The following NCOA6 variants were observed in gnomAD, a reference collection of about 807,000 sequenced individuals.
NCOA6 encodes NRC RAP250.
Under a neutral mutation model 171.4 loss-of-function variants are expected in NCOA6, and 49 were observed. That is an observed-to-expected ratio of 0.29 (90% confidence interval 0.23 to 0.36). NCOA6 has a LOEUF of 0.36. Ranked by LOEUF, NCOA6 falls within the 10% of genes least tolerant of loss-of-function variation. The pLI, the probability that NCOA6 is intolerant of heterozygous loss-of-function variation, is 1.00. For synonymous variants in NCOA6, 910 were observed against 927.5 expected (o/e 0.98, Z 0.34); for missense variants, 2,248 against 2,554.5 (o/e 0.88, Z 2.59).
intron 11 of NCOA6, among the ~76,000 whole-genome samples, chr20:34,738,747 G>A (rs1444382400): frequency 6.6e-6 from 1 of 152,200 alleles, no homozygotes; most frequent in Non-Finnish European, 1.5e-5. Flanking sequence ...ATTCTGGGAG[G>A]TAGAATGTAC....
chr20:34,813,598 C>T (rs1046342698), intron 1 of NCOA6, among the ~76,000 whole-genome samples: 9 of 151,944 alleles, frequency 5.9e-5, no homozygotes, highest in African/African-American at 1.9e-4. Context: ...AATATCCTTA[C>T]TTGCAGGTGA....
At chr20:34,746,781 A>G in intron 10 of NCOA6, 26 bp downstream of exon 10, 2 of 1,596,854 alleles carry the variant, frequency 1.3e-6, no homozygotes, top group South Asian at 1.1e-5. Context: ...TGTAATAAGT[A>G]TATAATCTAG....
rs1455593856 is a variant in NCOA6 at position 34,749,927 on chromosome 20, C to T, written c.2268G>A (p.Val756=). The change falls in exon 9 of 15, where the codon GTG becomes GTA. Residue 756 remains valine (V), a synonymous_variant. Coordinates refer to ENST00000359003, the MANE Select transcript of NCOA6 (RefSeq NM_014071.5). ...GTCCTGACATCTGTCCCGTAAACTG[C>T]ACCATATTTCCTTGCATGTTTGGAG... The part of the protein sequence containing the change: ...GPTPNMQGNM[V]QFTGQMSGQM... The T allele has an allele frequency of 1.2e-6, 2 of 1,614,118 alleles. No individual in the cohort carries two copies. Among genetic ancestry groups the T allele is most frequent in the African/African-American group, 1.3e-5 (1 of 74,940 alleles).
At chr20:34,736,038 A>G (rs527390882) in intron 12 of NCOA6, among the ~76,000 whole-genome samples, 4 of 152,216 alleles carry the variant, frequency 2.6e-5, no homozygotes, top group African/African-American at 9.6e-5. Context: ...TCCATAGTCT[A>G]TAAAGGCAAA....
intron 1 of NCOA6, among the ~76,000 whole-genome samples, chr20:34,797,553 G>A (rs1043521442): frequency 2.6e-5 from 4 of 151,902 alleles, no homozygotes; most frequent in African/African-American, 9.7e-5. Context: ...TCCCAGCTGT[G>A]GTGGCTACAG....
intron 2 of NCOA6, among the ~76,000 whole-genome samples, chr20:34,790,740 C>A (rs1254156312): frequency 6.6e-6 from 1 of 152,068 alleles, no homozygotes; most frequent in African/African-American, 2.4e-5. Context: ...ACCTCTGCCT[C>A]CCAGGTTCAA....
At chr20:34,732,685 A>G in intron 12 of NCOA6, 90 bp from the exon 13 acceptor site, 1 of 1,099,188 alleles carries the variant, frequency 9.1e-7, no homozygotes, top group Non-Finnish European at 1.4e-6. Context: ...TGCCCTATTT[A>G]GGCTAAAGTG....
intron 8 of NCOA6, among the ~76,000 whole-genome samples, chr20:34,752,503 G>C (rs975857447): frequency 2.0e-5 from 3 of 152,176 alleles, no homozygotes; most frequent in African/African-American, 7.2e-5. Flanking sequence ...ACTGGCAAGA[G>C]ACACAACTAA....
chr20:34,779,597 T>G (rs6060047), intron 3 of NCOA6, among the ~76,000 whole-genome samples: 128,926 of 152,272 alleles, frequency 0.85, 54,771 homozygotes, highest in Admixed American at 0.91. Context: ...CAGCTAAACT[T>G]AAACTTCTGT....
At chr20:34,804,376 G>C (rs2146515057) in intron 1 of NCOA6, among the ~76,000 whole-genome samples, 1 of 151,950 alleles carries the variant, frequency 6.6e-6, no homozygotes, top group Admixed American at 6.6e-5. Flanking sequence ...GGGTGTGGTG[G>C]CACACCTGTG....
intron 3 of NCOA6, 175 bp from the exon 4 acceptor site, chr20:34,776,623 G>A: frequency 1.3e-6 from 1 of 757,056 alleles, no homozygotes; most frequent in South Asian, 1.5e-5. Context: ...TTGCCACTTA[G>A]CACCTGGGTG....
intron 8 of NCOA6, among the ~76,000 whole-genome samples, chr20:34,753,979 T>C (rs1478891418): frequency 1.3e-5 from 2 of 152,204 alleles, no homozygotes; most frequent in Admixed American, 6.5e-5. Context: ...ACCAGAAACA[T>C]GAAGTTTGAG....
chr20:34,815,752 T>C (rs762349299), intron 1 of NCOA6, among the ~76,000 whole-genome samples: 8 of 152,082 alleles, frequency 5.3e-5, no homozygotes, highest in Non-Finnish European at 1.2e-4. Context: ...AAGTTTGTTG[T>C]TTTACAGAAG....
intron 3 of NCOA6, among the ~76,000 whole-genome samples, chr20:34,781,161 A>C (rs1568842397): frequency 6.6e-6 from 1 of 152,212 alleles, no homozygotes; most frequent in Non-Finnish European, 1.5e-5. Context: ...AACTATGGAG[A>C]ACCTTGTACA....
intron 10 of NCOA6, 75 bp downstream of exon 10, chr20:34,746,732 T>A: frequency 6.9e-7 from 1 of 1,439,086 alleles, no homozygotes; most frequent in Non-Finnish European, 9.3e-7. Flanking sequence ...TACTATTGTT[T>A]CCTTGAAGAC....
chr20:34,742,135 A>C lies in NCOA6; in HGVS notation c.4121T>G (p.Val1374Gly). 6.2e-7 allele frequency: 1 copy of C among 1,614,160 alleles called. No individual in the cohort carries two copies. The highest frequency in any genetic ancestry group is 8.5e-7 in the Non-Finnish European group (1 of 1,180,030). ...GGCCAGAGGAGTGGGACTGACCAATACATTTCTCGGCAACTCCACATTCTG... is the reference window on the plus strand; with the variant it reads ...GGCCAGAGGAGTGGGACTGACCAATCCATTTCTCGGCAACTCCACATTCTG... The part of the protein sequence containing the change: ...LLQNVELPRN[V>G]LVSPTPLANP... The change falls in exon 11 of 15, where the codon GTA becomes GGA. Residue 1374 changes from valine (V) to glycine (G), a missense_variant. Val to Gly is a moderately radical substitution (Grantham distance 109, BLOSUM62 -3). Coordinates refer to ENST00000359003, the MANE Select transcript of NCOA6 (RefSeq NM_014071.5).
At chr20:34,790,532 T>G (rs1485761772) in intron 2 of NCOA6, among the ~76,000 whole-genome samples, 1 of 152,054 alleles carries the variant, frequency 6.6e-6, no homozygotes, top group Non-Finnish European at 1.5e-5. Context: ...TTTTTTTGCA[T>G]TTTTAGTAAA....
intron 1 of NCOA6, among the ~76,000 whole-genome samples, chr20:34,808,376 C>G (rs2078533140): frequency 6.6e-6 from 1 of 151,146 alleles, no homozygotes; most frequent in Non-Finnish European, 1.5e-5. Context: ...GGAAAAAAGT[C>G]ACAGGTCACA....
Position 34,742,049 on chromosome 20 carries a change from C to T in NCOA6, c.4207G>A (p.Val1403Met), listed in dbSNP as rs1568747250. Residue 1403 changes from valine (V) to methionine (M), a missense_variant, in exon 11 of 15, where the codon GTG (valine) becomes ATG (methionine). This residue lies in a region of NCOA6 where 884 missense variants were observed against 941.9 expected (regional missense o/e 0.94). Transcript: ENST00000359003. ...ACACCCCCAACTGCAGCCACAGACA[C>T]AGTAGAATTCTGAGGATTCAGCCCA... ...NSGLNPQNST[V>M]SVAAVGGVVE... is the part of the protein sequence containing the mutation. 3.7e-6 allele frequency: 6 copies of T among 1,614,200 alleles called. No individual in the cohort carries two copies. The highest frequency in any genetic ancestry group is 4.2e-6 in the Non-Finnish European group (5 of 1,180,034).
Sources: allele counts gnomAD v4.1 joint callset (sites outside exome capture counted in the v4.1 genomes callset), GRCh38; gene constraint gnomAD v4.1.1; regional missense constraint gnomAD v4.1.1; transcripts MANE v1.5; gene names NCBI Gene and HGNC (gene_info 2026-07-23, HGNC 2026-07-21).